PHOSPHO1: variants seen among roughly 807,000 people sequenced by gnomAD.
PHOSPHO1 encodes phosphoethanolamine/phosphocholine phosphatase.
In PHOSPHO1, 6 loss-of-function variants were observed where a neutral mutation model predicts 17.7. That is an observed-to-expected ratio of 0.34 (90% CI 0.19 to 0.67). The LOEUF is 0.67. Ranked by LOEUF, PHOSPHO1 falls within the 30% of genes least tolerant of loss-of-function variation. The pLI, the probability that PHOSPHO1 is intolerant of heterozygous loss-of-function variation, is 0.69. For synonymous variants in PHOSPHO1, 159 were observed against 174.6 expected (o/e 0.91, Z 0.71); for missense variants, 330 against 392.1 (o/e 0.84, Z 1.34).
intron 2 of PHOSPHO1, chr17:49,225,714 G>A (rs1445672874): frequency 1.6e-5 from 21 of 1,288,576 alleles, no homozygotes; most frequent in Non-Finnish European, 2.0e-5. Flanking sequence ...CGAAGCAAGC[G>A]GGCAGCAGGA....
At chr17:49,225,794 G>A (rs2043348916) in intron 2 of PHOSPHO1, 2 of 1,245,948 alleles carry the variant, frequency 1.6e-6, no homozygotes, top group South Asian at 1.4e-5. Context: ...GACAGGTAAG[G>A]GAGAAGAGAA....
Position 49,224,927 on chromosome 17 carries a change from G to GT in PHOSPHO1, c.122dup (p.Asn41LysfsTer304). On this transcript the variant is annotated frameshift_variant, in exon 3 of 3. Transcript: ENST00000310544. LOFTEE classifies it high-confidence loss of function. ...CGGCGCGCACGATCGAATCGTCGCT[G>GT]TTTTCGTCCACGATAGTCTCGTCGA... is the stretch of plus-strand genomic sequence containing the variant. 6.3e-7 allele frequency: 1 copy of GT among 1,595,146 alleles called. No homozygotes were observed. Among genetic ancestry groups the GT allele is most frequent in the Non-Finnish European group, 8.5e-7 (1 of 1,172,292 alleles).
At chr17:49,226,822 C>G (rs1334320620) in intron 1 of PHOSPHO1, 64 bp from the exon 2 acceptor site, 9 of 979,630 alleles carry the variant, frequency 9.2e-6, no homozygotes, top group Non-Finnish European at 1.3e-5. Context: ...ACCAGGAATA[C>G]CCACCTGGCC....
chr17:49,228,122 A>G (rs1401913660), intron 1 of PHOSPHO1, among the ~76,000 whole-genome samples: 1 of 152,178 alleles, frequency 6.6e-6, no homozygotes, highest in African/African-American at 2.4e-5. Flanking sequence ...GCAAACATGC[A>G]GCATCTGGAG....
At chr17:49,228,993 A>ACACACACAC (rs1460342399) in intron 1 of PHOSPHO1, 25 of 17,708 alleles carry the variant, frequency 1.4e-3, no homozygotes, top group African/African-American at 2.7e-3. Flanking sequence ...CACACACACA[A>ACACACACAC]AACTCCTCAT....
At chr17:49,225,180 C>T in intron 2 of PHOSPHO1, 176 bp from the exon 3 acceptor site, 1 of 1,429,820 alleles carries the variant, frequency 7.0e-7, no homozygotes, top group Non-Finnish European at 9.1e-7. Flanking sequence ...CCCAATGCCA[C>T]CACCTCTATC....
Position 49,224,908 on chromosome 17 carries a change from G to A in PHOSPHO1, c.142C>T (p.Arg48Cys). Residue 48 changes from arginine to cysteine, a missense_variant, in exon 3 of 3, where the codon CGC becomes TGC. Physicochemically the swap from Arg to Cys is radical, Grantham distance 180. Coordinates refer to ENST00000310544, the MANE Select transcript of PHOSPHO1 (RefSeq NM_178500.4). Reference sequence around the variant, plus strand: ...GGGAGCCGCTGGCCCGGCGCGGCGCGCACGATCGAATCGTCGCTGTTTTCG... The same window carrying A: ...GGGAGCCGCTGGCCCGGCGCGGCGCACACGATCGAATCGTCGCTGTTTTCG... Reference protein sequence around the residue: ...VDENSDDSIVRAAPGQRLPES... With the variant: ...VDENSDDSIVCAAPGQRLPES... 6.3e-7 allele frequency: 1 copy of A among 1,599,566 alleles called. No individual in the cohort carries two copies. The highest frequency in any genetic ancestry group is 1.1e-5 in the South Asian group (1 of 89,248).
intron 1 of PHOSPHO1, among the ~76,000 whole-genome samples, chr17:49,229,819 A>T (rs2043395212): frequency 6.6e-6 from 1 of 152,224 alleles, no homozygotes. Context: ...AGATAGGAAA[A>T]ACAGAGGCCC....
intron 2 of PHOSPHO1, 49 bp from the exon 3 acceptor site, chr17:49,225,053 C>A (rs1346877052): frequency 6.9e-7 from 1 of 1,449,516 alleles, no homozygotes; most frequent in Non-Finnish European, 9.0e-7. Context: ...AGGGGGCAAG[C>A]GAGAGGGGGC....
In PHOSPHO1 at chr17:49,224,294, C is replaced by G; in HGVS notation, c.756G>C (p.Thr252=). 1.3e-6 allele frequency: 2 copies of G among 1,597,488 alleles called. No individual in the cohort carries two copies. The highest frequency in any genetic ancestry group is 1.7e-6 in the Non-Finnish European group (2 of 1,176,114). The change falls in exon 3 of 3, where the codon ACG becomes ACC. Residue 252 remains threonine (T), a synonymous_variant. Transcript: ENST00000310544. ...GCAGGTGGAGGCGCACATCTGCAGCCGTTTCCCAGGGCACCACGCTGGCGC... is the reference window on the plus strand; with the variant it reads ...GCAGGTGGAGGCGCACATCTGCAGCGGTTTCCCAGGGCACCACGCTGGCGC... ...SFRASVVPWE[T]AADVRLHLQQ... is the part of the protein sequence containing the mutation.
intron 1 of PHOSPHO1, among the ~76,000 whole-genome samples, chr17:49,227,848 C>G (rs1408605075): frequency 2.0e-5 from 3 of 152,090 alleles, no homozygotes; most frequent in Admixed American, 6.6e-5. Context: ...AACTTCTAAT[C>G]TAGGAATTAG....
At chr17:49,227,567 A>C (rs1490110133) in intron 1 of PHOSPHO1, among the ~76,000 whole-genome samples, 2 of 152,188 alleles carry the variant, frequency 1.3e-5, no homozygotes, top group East Asian at 3.8e-4. Flanking sequence ...GCCAGGAGAC[A>C]AGACCTTGAG....
At position 49,225,102 on chromosome 17, in the gene PHOSPHO1, C is replaced by G. The variant is rs1038173453; in HGVS notation, c.46-98G>C. The G allele has an allele frequency of 1.9e-5, 27 of 1,442,730 alleles. No individual in the cohort carries two copies. The South Asian group carries it at 3.4e-4, about 18-fold the overall frequency. The allele number at this position is 1,442,730 out of a possible 1,614,324, so 89.4% of individuals were successfully genotyped here. A position where few individuals can be genotyped will look rare whatever the true frequency, so the allele number is the denominator to read the frequency against. On this transcript the variant is annotated intron_variant, in intron 2 of 2. Coordinates refer to ENST00000310544, the MANE Select transcript of PHOSPHO1 (RefSeq NM_178500.4). ...GCCCGGGAGAGGCTGGTTAGCGGGC[C>G]ACGGCCAGAGGCGCTGGCACATCCA...
rs751711403 is a variant in PHOSPHO1, at chr17:49,224,377, C to T, written c.673G>A (p.Gly225Ser). ...TGAATGAGGCGGTGCATGGGGTAGC[C>T]GCGGCGCGGGAAGGCCACGTCGCCG... ...AGGDVAFPRR[G>S]YPMHRLIQEA... The change falls in exon 3 of 3, where the codon GGC becomes AGC. Residue 225 changes from glycine (G) to serine (S), a missense_variant. By Grantham distance (56) the Gly-to-Ser change is moderately conservative. Coordinates refer to ENST00000310544, the MANE Select transcript of PHOSPHO1 (RefSeq NM_178500.4). 2 of 1,554,014 alleles carry T rather than the reference C, an allele frequency of 1.3e-6. No individual in the cohort carries two copies. The highest frequency in any genetic ancestry group is 1.2e-5 in the South Asian group (1 of 85,446).
intron 1 of PHOSPHO1, among the ~76,000 whole-genome samples, chr17:49,229,377 G>A (rs1362185523): frequency 6.6e-6 from 1 of 152,172 alleles, no homozygotes; most frequent in Non-Finnish European, 1.5e-5. Flanking sequence ...CTTCTGGGGG[G>A]TTGCAGGGAG....
chr17:49,230,431 C>G (rs888715979), intron 1 of PHOSPHO1, 37 bp downstream of exon 1: 2 of 152,504 alleles, frequency 1.3e-5, no homozygotes, highest in African/African-American at 4.8e-5. Flanking sequence ...GCGCCGGGAC[C>G]CCAGCCCTCC....
chr17:49,230,243 T>C (rs879260253), intron 1 of PHOSPHO1, among the ~76,000 whole-genome samples: 19 of 151,908 alleles, frequency 1.3e-4, no homozygotes, highest in Non-Finnish European at 2.5e-4. Flanking sequence ...AGGGGTATTG[T>C]GGGTGGCAGG....
intron 1 of PHOSPHO1, among the ~76,000 whole-genome samples, chr17:49,229,853 G>C (rs2043395518): frequency 6.6e-6 from 1 of 152,176 alleles, no homozygotes; most frequent in South Asian, 2.1e-4. Context: ...TAACATCCTA[G>C]GGGTCACACA....
chr17:49,230,118 C>T (rs529429418), intron 1 of PHOSPHO1, among the ~76,000 whole-genome samples: 4 of 152,172 alleles, frequency 2.6e-5, no homozygotes, highest in African/African-American at 9.6e-5. Context: ...GTGGCAGCTG[C>T]CGGTAGGGTT....
Sources: gnomAD v4.1 joint callset for allele counts (sites outside exome capture counted in the v4.1 genomes callset) on GRCh38, gnomAD v4.1.1 for gene constraint, MANE v1.5 for transcripts, NCBI Gene and HGNC (gene_info 2026-07-23, HGNC 2026-07-21) for gene names.